Variants in SRD5A3 observed in about 807,000 individuals in gnomAD.
SRD5A3 encodes polyprenal reductase.
A neutral mutation model predicts 34.3 loss-of-function variants in SRD5A3; 24 were observed. That is an observed-to-expected ratio of 0.70 (90% confidence interval 0.51 to 0.99). The LOEUF is 0.99. Among genes scored for constraint, SRD5A3 ranks in the 50% least tolerant of loss-of-function variants. SRD5A3 has a pLI of 0.00. For synonymous variants in SRD5A3, 161 were observed against 167.3 expected (o/e 0.96, Z 0.29); for missense variants, 350 against 388.2 (o/e 0.90, Z 0.83).
chr4:55,369,554 AC>A, intron 4 of SRD5A3: 1 of 449,186 alleles, frequency 2.2e-6, no homozygotes, highest in South Asian at 2.3e-5. Context: ...ACATAGGCAG[AC>A]CCTGTCTCTA....
intron 1 of SRD5A3, among the ~76,000 whole-genome samples, chr4:55,357,313 A>G (rs769423584): frequency 6.6e-6 from 1 of 152,254 alleles, no homozygotes; most frequent in Non-Finnish European, 1.5e-5. Context: ...CGAAGTGCTC[A>G]GTAAATATTT....
Position 55,364,160 on chromosome 4 carries a change from A to G in SRD5A3, c.451A>G (p.Ser151Gly), listed in dbSNP as rs771408094. The G allele has an allele frequency of 1.9e-6, 3 of 1,614,146 alleles. No homozygotes were observed. Among genetic ancestry groups the G allele is most frequent in the African/African-American group, 1.3e-5 (1 of 75,034 alleles). ...AAGACTCTTCGAGTGCCTCTACGTC[A>G]GTGTCTTCTCCAATGTCATGATTCA... ...LRRLFECLYV[S>G]VFSNVMIHVV... The change falls in exon 3 of 5, where the codon AGT becomes GGT. Residue 151 changes from serine (S) to glycine (G), a missense_variant. Ser to Gly is a moderately conservative substitution (Grantham distance 56, BLOSUM62 0). Transcript: ENST00000264228.
In SRD5A3 at chr4:55,372,579, T is replaced by C. The variant is rs952663614; in HGVS notation, c.*2488T>C. 74 of 152,218 alleles carry C rather than the reference T, an allele frequency of 4.9e-4. No homozygotes were observed. Among genetic ancestry groups the C allele is most frequent in the African/African-American group, 1.7e-3 (72 of 41,468 alleles). 9.4% of individuals were successfully genotyped at this position (152,218 alleles called of 1,614,324 possible). A position where few individuals can be genotyped will look rare whatever the true frequency, so the allele number is the denominator to read the frequency against. ...GTGCTTGCAGCGTCAGAATCAGCAC[T>C]GTTTTTTGTGTTGGTGAAAATATTC... is the stretch of plus-strand genomic sequence containing the variant. On this transcript the variant is annotated 3_prime_UTR_variant, in exon 5 of 5. Coordinates refer to ENST00000264228, the MANE Select transcript of SRD5A3 (RefSeq NM_024592.5).
At chr4:55,356,008 T>TTTTTTTTTC (rs1240485929) in intron 1 of SRD5A3, among the ~76,000 whole-genome samples, 3 of 139,088 alleles carry the variant, frequency 2.2e-5, no homozygotes, top group African/African-American at 5.3e-5. Context: ...CCATTTTTTT[T>TTTTTTTTTC]TTTTTTTTTT....
chr4:55,362,080 G>T (rs113531854), intron 2 of SRD5A3, among the ~76,000 whole-genome samples: 277 of 151,746 alleles, frequency 1.8e-3, no homozygotes, highest in African/African-American at 6.5e-3. Context: ...TGGGAAGTTT[G>T]GGGGAGGGGT....
rs1560374583 is a variant in SRD5A3, at chr4:55,369,622, T to C, written c.698-210T>C. The stretch of plus-strand genomic sequence containing the variant: ...GATGCATACCTGTGGTACTAGCCAC[T>C]GGGCAGTTTGAGATGGGAGGATTGC... On this transcript the variant is annotated intron_variant, in intron 4 of 4. Transcript: ENST00000264228. 4 of 604,376 alleles carry C rather than the reference T, an allele frequency of 6.6e-6. No individual in the cohort carries two copies. In the African/African-American group the frequency reaches 7.5e-5, roughly 11 times the overall value. The allele number at this position is 604,376 out of a possible 1,614,324, so 37.4% of individuals were successfully genotyped here.
intron 1 of SRD5A3, among the ~76,000 whole-genome samples, chr4:55,355,943 G>C (rs1719438738): frequency 6.7e-6 from 1 of 149,006 alleles, no homozygotes; most frequent in African/African-American, 2.5e-5. Context: ...TTACCAGAGG[G>C]ATATTTTTTC....
In SRD5A3 at chr4:55,359,382, G is replaced by T; in HGVS notation, c.258G>T (p.Trp86Cys). ...ACTTTTATATCATCTCAGTGCTGTG[G>T]AATGGCTTCCTGCTTTGGTGCCTTA... The part of the protein sequence containing the change: ...FSHFYIISVL[W>C]NGFLLWCLTQ... Residue 86 changes from tryptophan to cysteine, a missense_variant, in exon 2 of 5, where the codon TGG (tryptophan) becomes TGT (cysteine). Around this residue, in one of 3 missense-constraint regions of SRD5A3, gnomAD observed 159 missense variants for 149.1 expected, o/e 1.07. Transcript: ENST00000264228. 6.2e-7 allele frequency: 1 copy of T among 1,613,928 alleles called. No individual in the cohort carries two copies. The highest frequency in any genetic ancestry group is 8.5e-7 in the Non-Finnish European group (1 of 1,180,004).
At chr4:55,346,791 C>T (rs1395403758) in intron 1 of SRD5A3, among the ~76,000 whole-genome samples, 2 of 152,196 alleles carry the variant, frequency 1.3e-5, no homozygotes, top group Admixed American at 1.3e-4. Context: ...AGAGCGGAGC[C>T]GCTTGCACTC....
In SRD5A3 at chr4:55,346,574, C is replaced by G. The variant is rs1719005701; in HGVS notation, c.221+17C>G. 1 of 1,563,508 alleles carries G rather than the reference C, an allele frequency of 6.4e-7. No homozygotes were observed. The highest frequency in any genetic ancestry group is 8.7e-7 in the Non-Finnish European group (1 of 1,155,788). ...CCCCAAGAGGTAACCGCGCCCCGGT[C>G]CCGAGCCGCGGTGGTCAAGGCGCTG... On this transcript the variant is annotated intron_variant, in intron 1 of 4. Transcript: ENST00000264228.
intron 1 of SRD5A3, among the ~76,000 whole-genome samples, chr4:55,353,022 G>C (rs1719255898): frequency 6.6e-6 from 1 of 152,156 alleles, no homozygotes; most frequent in East Asian, 1.9e-4. Context: ...AAGCTACTGA[G>C]GGCTTTGTGT....
chr4:55,353,630 T>C (rs955561427), intron 1 of SRD5A3, among the ~76,000 whole-genome samples: 8 of 152,234 alleles, frequency 5.3e-5, no homozygotes, highest in African/African-American at 1.7e-4. Context: ...CTTTATGAGC[T>C]GTAACACTCA....
chr4:55,359,732 T>C (rs1719606988), intron 2 of SRD5A3, among the ~76,000 whole-genome samples: 2 of 152,150 alleles, frequency 1.3e-5, no homozygotes, highest in Admixed American at 1.3e-4. Flanking sequence ...TCCCAGCAAG[T>C]GCTGTGTTGT....
At chr4:55,361,200 G>A (rs13120635) in intron 2 of SRD5A3, among the ~76,000 whole-genome samples, 39,844 of 151,786 alleles carry the variant, frequency 0.26, 6,576 homozygotes, top group East Asian at 0.56. Flanking sequence ...AGCAAACCCC[G>A]GCCGGGTGTG....
chr4:55,346,359 A>G lies in SRD5A3; in HGVS notation c.23A>G (p.Glu8Gly). Reference sequence around the variant, plus strand: ...GCCATGGCTCCCTGGGCGGAGGCCGAGCACTCGGCGCTGAACCCGCTGCGC... The same window carrying G: ...GCCATGGCTCCCTGGGCGGAGGCCGGGCACTCGGCGCTGAACCCGCTGCGC... MAPWAEAEHSALNPLRAV... is the reference protein window; with the variant it reads MAPWAEAGHSALNPLRAV... Residue 8 changes from glutamate to glycine, a missense_variant, in exon 1 of 5, where the codon GAG (glutamate) becomes GGG (glycine). By Grantham distance (98) the Glu-to-Gly change is moderately conservative. Transcript: ENST00000264228. 1 of 1,530,578 alleles carries G rather than the reference A, an allele frequency of 6.5e-7. No homozygotes were observed. The highest frequency in any genetic ancestry group is 2.0e-5 in the Admixed American group (1 of 48,782). 94.8% of individuals were successfully genotyped at this position (1,530,578 alleles called of 1,614,324 possible).
chr4:55,360,106 T>C (rs6853035), intron 2 of SRD5A3, among the ~76,000 whole-genome samples: 3,202 of 151,700 alleles, frequency 0.021, 118 homozygotes, highest in African/African-American at 0.074. Flanking sequence ...CCCCAGCTAC[T>C]CGGGAGGCTG....
chr4:55,367,553 T>C, intron 3 of SRD5A3, 35 bp from the exon 4 acceptor site: 1 of 1,612,374 alleles, frequency 6.2e-7, no homozygotes, highest in Non-Finnish European at 8.5e-7. Context: ...CCTGTGAAAT[T>C]GTTTAGTGTT....
intron 2 of SRD5A3, among the ~76,000 whole-genome samples, chr4:55,360,527 G>A (rs1050643086): frequency 6.6e-6 from 1 of 151,742 alleles, no homozygotes; most frequent in Admixed American, 6.6e-5. Flanking sequence ...ATAAATAAAT[G>A]AATAAAATAA....
intron 4 of SRD5A3, 52 bp downstream of exon 4, chr4:55,367,774 G>C: frequency 6.2e-7 from 1 of 1,609,672 alleles, no homozygotes; most frequent in South Asian, 1.1e-5. Context: ...TCAGAAGTTA[G>C]TTCTCCATGG....
Sources: gnomAD v4.1 joint callset for allele counts (sites outside exome capture counted in the v4.1 genomes callset) on GRCh38, gnomAD v4.1.1 for gene constraint, gnomAD v4.1.1 regional missense constraint, MANE v1.5 for transcripts, NCBI Gene and HGNC (gene_info 2026-07-23, HGNC 2026-07-21) for gene names.